ASIC2: variants seen among roughly 807,000 people sequenced by gnomAD.
ASIC2 encodes the protein acid sensing ion channel subunit 2.
Under a neutral mutation model 57.3 loss-of-function variants are expected in ASIC2, and 25 were observed. The ratio of observed to expected loss-of-function variants is 0.44; its 90% CI spans 0.32 to 0.61. The LOEUF is 0.61. Among genes scored for constraint, ASIC2 ranks in the 20% least tolerant of loss-of-function variants. The pLI, the probability that ASIC2 is intolerant of heterozygous loss-of-function variation, is 0.06. For synonymous variants in ASIC2, 319 were observed against 307.5 expected (o/e 1.04, Z -0.39); for missense variants, 641 against 738.1 (o/e 0.87, Z 1.52).
chr17:33,836,085 T>C (rs566718540), intron 1 of ASIC2, among the ~76,000 whole-genome samples: 22 of 137,994 alleles, frequency 1.6e-4, no homozygotes, highest in Admixed American at 9.6e-4. Flanking sequence ...CACACACACA[T>C]ATATAATTAT....
intron 1 of ASIC2, among the ~76,000 whole-genome samples, chr17:34,102,269 G>A (rs1022579543): frequency 1.3e-5 from 2 of 152,148 alleles, no homozygotes; most frequent in African/African-American, 4.8e-5. Flanking sequence ...GGCAGAGGTT[G>A]CAGTGAGCTG....
In ASIC2 at chr17:33,028,638, G is replaced by A. The variant is rs115889956; in HGVS notation, c.988-246C>T. Reference sequence around the variant, plus strand: ...CTGGCTCAAGCGATCCTCCTGTCTCGGCCTCTCTAGTAGCTGGGACTACAG... The same window carrying A: ...CTGGCTCAAGCGATCCTCCTGTCTCAGCCTCTCTAGTAGCTGGGACTACAG... On this transcript the variant is annotated intron_variant, in intron 3 of 9. Coordinates refer to ENST00000225823, the MANE Select transcript of ASIC2 (RefSeq NM_183377.2). Among the ~76,000 whole-genome samples, 970 of 151,996 alleles carry A rather than the reference G, an allele frequency of 6.4e-3. 9 individuals are homozygous for A. The highest frequency in any genetic ancestry group is 0.017 in the African/African-American group (715 of 41,430).
intron 1 of ASIC2, among the ~76,000 whole-genome samples, chr17:33,345,631 T>C (rs1238826395): frequency 6.6e-6 from 1 of 152,162 alleles, no homozygotes; most frequent in African/African-American, 2.4e-5. Context: ...GGTTTACATA[T>C]TCAAGTTGGG....
chr17:33,978,347 C>T (rs1043139897), intron 1 of ASIC2, among the ~76,000 whole-genome samples: 1 of 152,176 alleles, frequency 6.6e-6, no homozygotes, highest in South Asian at 2.1e-4. Context: ...ACACTGCAGT[C>T]GAGTCAAGGC....
At chr17:33,685,096 C>A (rs746400518) in intron 1 of ASIC2, among the ~76,000 whole-genome samples, 1 of 152,182 alleles carries the variant, frequency 6.6e-6, no homozygotes, top group Non-Finnish European at 1.5e-5. Flanking sequence ...CTAGTCCTCA[C>A]GTTCTGGTTC....
At chr17:33,548,612 C>T (rs2141974890) in intron 1 of ASIC2, among the ~76,000 whole-genome samples, 1 of 152,306 alleles carries the variant, frequency 6.6e-6, no homozygotes, top group East Asian at 1.9e-4. Flanking sequence ...CTCCATTCAC[C>T]ATGGGTAATT....
In ASIC2 at chr17:33,292,301, C is replaced by G. The variant is rs2142183876; in HGVS notation, c.-186G>C. 1.0e-6 allele frequency: 1 copy of G among 986,576 alleles called. No homozygotes were observed. Among genetic ancestry groups the G allele is most frequent in the African/African-American group, 1.7e-5 (1 of 57,152 alleles). 61.1% of individuals were successfully genotyped at this position (986,576 alleles called of 1,614,324 possible). A position where few individuals can be genotyped will look rare whatever the true frequency, so the allele number is the denominator to read the frequency against. On this transcript the variant is annotated 5_prime_UTR_variant, in exon 1 of 10. Transcript: ENST00000225823. Reference sequence around the variant, plus strand: ...CCCGGCGCCGCCGCTGCCGCCTCCGCGGGCGCCCGCCCGGGGCTGAGCGCC... The same window carrying G: ...CCCGGCGCCGCCGCTGCCGCCTCCGGGGGCGCCCGCCCGGGGCTGAGCGCC...
chr17:33,872,739 T>G (rs992568788), intron 1 of ASIC2, among the ~76,000 whole-genome samples: 2 of 152,108 alleles, frequency 1.3e-5, no homozygotes, highest in Non-Finnish European at 2.9e-5. Context: ...TACATGCTGA[T>G]AAGGAGGAGA....
chr17:33,443,578 T>C (rs1911906982), intron 1 of ASIC2, among the ~76,000 whole-genome samples: 1 of 58,802 alleles, frequency 1.7e-5, no homozygotes. Context: ...TACGCCCGGC[T>C]AATTTTTTTT....
chr17:33,413,215 T>C (rs1910725260), intron 1 of ASIC2, among the ~76,000 whole-genome samples: 2 of 152,188 alleles, frequency 1.3e-5, no homozygotes, highest in African/African-American at 4.8e-5. Context: ...AGGTCTTAAG[T>C]GTTCTCATCC....
At chr17:33,246,921 A>G (rs758479836) in intron 1 of ASIC2, among the ~76,000 whole-genome samples, 7 of 152,182 alleles carry the variant, frequency 4.6e-5, no homozygotes, top group Non-Finnish European at 8.8e-5. Flanking sequence ...CACCACTGAC[A>G]AAGGCCCTAG....
chr17:33,726,107 C>T (rs751615823), intron 1 of ASIC2, among the ~76,000 whole-genome samples: 3 of 152,182 alleles, frequency 2.0e-5, no homozygotes, highest in South Asian at 2.1e-4. Flanking sequence ...CACCATTTCA[C>T]GGCTTTCCAT....
At chr17:34,005,804 T>A (rs1567785042) in intron 1 of ASIC2, 2 of 152,246 alleles carry the variant, frequency 1.3e-5, no homozygotes, top group Non-Finnish European at 2.9e-5. Flanking sequence ...GTCACTTACT[T>A]ACATCTACTG....
At chr17:33,416,592 C>T (rs898495878) in intron 1 of ASIC2, among the ~76,000 whole-genome samples, 1 of 152,124 alleles carries the variant, frequency 6.6e-6, no homozygotes, top group Non-Finnish European at 1.5e-5. Flanking sequence ...ACCCACTGGG[C>T]GCCCACAGTG....
At chr17:33,101,341 T>A (rs553892371) in intron 2 of ASIC2, among the ~76,000 whole-genome samples, 9 of 152,350 alleles carry the variant, frequency 5.9e-5, no homozygotes, top group African/African-American at 1.9e-4. Context: ...ATTTAATTAT[T>A]ATTTTTATCA....
chr17:34,039,717 A>T, intron 1 of ASIC2: 1 of 1,611,792 alleles, frequency 6.2e-7, no homozygotes, highest in Non-Finnish European at 8.5e-7. Context: ...TTTTCTTGGG[A>T]GTCTCTACTT....
chr17:33,290,199 C>T (rs767623468), intron 1 of ASIC2, among the ~76,000 whole-genome samples: 24 of 152,224 alleles, frequency 1.6e-4, no homozygotes, highest in Non-Finnish European at 3.4e-4. Context: ...AAGGAATAAT[C>T]CAATCAGCCA....
chr17:33,026,008 G>A, intron 4 of ASIC2, 26 bp from the exon 5 acceptor site: 1 of 1,612,168 alleles, frequency 6.2e-7, no homozygotes, highest in Non-Finnish European at 8.5e-7. Context: ...ACCAGACAGA[G>A]TTACTCAGGC....
chr17:33,109,921 AAC>A (rs1490207808), intron 2 of ASIC2, among the ~76,000 whole-genome samples: 1 of 152,198 alleles, frequency 6.6e-6, no homozygotes, highest in Non-Finnish European at 1.5e-5. Flanking sequence ...TTTGAGGCAG[AAC>A]ACAGACTTTT....
Sources: allele counts gnomAD v4.1 joint callset (sites outside exome capture counted in the v4.1 genomes callset), GRCh38; gene constraint gnomAD v4.1.1; transcripts MANE v1.5; gene names NCBI Gene and HGNC (gene_info 2026-07-23, HGNC 2026-07-21).